CEP112: variants seen among roughly 807,000 people sequenced by gnomAD.
The protein encoded by CEP112 is centrosomal protein 112.
Under a neutral mutation model 153.0 loss-of-function variants are expected in CEP112, and 127 were observed. That is an observed-to-expected ratio of 0.83 (90% confidence interval 0.72 to 0.96). CEP112 has a LOEUF of 0.96. CEP112 is among the 40% of genes least tolerant of loss of function. The probability of loss-of-function intolerance (pLI) is 0.00; values close to 1 mark genes in which losing one functional copy is unlikely to be tolerated. For synonymous variants in CEP112, 358 were observed against 374.4 expected, an observed-to-expected ratio of 0.96 and a Z score of 0.51; for missense variants, 1,089 against 1,101.2, an observed-to-expected ratio of 0.99 and a Z score of 0.16.
intron 24 of CEP112, among the ~76,000 whole-genome samples, chr17:65,678,330 G>A (rs2047338197): frequency 1.3e-5 from 2 of 152,046 alleles, no homozygotes; most frequent in East Asian, 3.9e-4. Flanking sequence ...GTTAATACTT[G>A]ATAATTCTAT....
At chr17:65,757,762 A>G (rs1271104321) in intron 21 of CEP112, among the ~76,000 whole-genome samples, 1 of 152,210 alleles carries the variant, frequency 6.6e-6, no homozygotes, top group East Asian at 1.9e-4. Flanking sequence ...CTGGTTTATC[A>G]TGGTTGAAAA....
intron 4 of CEP112, among the ~76,000 whole-genome samples, chr17:66,134,017 G>C (rs896716797): frequency 1.3e-5 from 2 of 151,936 alleles, no homozygotes; most frequent in African/African-American, 4.8e-5. Flanking sequence ...AATATTTTGA[G>C]TATAATTGTA....
At chr17:65,814,807 C>A (rs554847279) in intron 21 of CEP112, among the ~76,000 whole-genome samples, 1 of 152,238 alleles carries the variant, frequency 6.6e-6, no homozygotes, top group Admixed American at 6.5e-5. Context: ...AGTGCCCTAC[C>A]AACATAGTTA....
intron 24 of CEP112, among the ~76,000 whole-genome samples, chr17:65,648,889 A>G (rs1244743445): frequency 6.6e-6 from 1 of 152,106 alleles, no homozygotes; most frequent in Non-Finnish European, 1.5e-5. Context: ...CATCTCCACT[A>G]AAAATACAAA....
intron 19 of CEP112, among the ~76,000 whole-genome samples, chr17:65,915,758 A>T (rs1356396360): frequency 6.8e-6 from 1 of 146,260 alleles, no homozygotes; most frequent in Non-Finnish European, 1.5e-5. Context: ...ACTGCACTCC[A>T]GCCTGGGTGA....
intron 4 of CEP112, among the ~76,000 whole-genome samples, chr17:66,138,248 C>T (rs933570946): frequency 3.3e-5 from 5 of 152,078 alleles, no homozygotes; most frequent in Non-Finnish European, 7.4e-5. Flanking sequence ...AAGAGGAGTT[C>T]GTCAACAGGA....
intron 17 of CEP112, among the ~76,000 whole-genome samples, chr17:65,996,115 T>C (rs1467079592): frequency 7.0e-6 from 1 of 142,174 alleles, no homozygotes; most frequent in African/African-American, 2.6e-5. Context: ...TCCTACACCA[T>C]GGGGAAAAAT....
In CEP112 at chr17:66,087,432, C is replaced by A. The variant is rs2067980271; in HGVS notation, c.768+8819G>T. Reference sequence around the variant, plus strand: ...ATGACTCAAAATGATTTTTATAATTCATGAATGACAATTTTTAGAAAAAGA... The same window carrying A: ...ATGACTCAAAATGATTTTTATAATTAATGAATGACAATTTTTAGAAAAAGA... On this transcript the variant is annotated intron_variant, in intron 8 of 26. Transcript: ENST00000535342. Among the ~76,000 whole-genome samples, 3 of 152,056 alleles carry A rather than the reference C, an allele frequency of 2.0e-5. No individual in the cohort carries two copies. In the South Asian group the frequency reaches 6.2e-4, roughly 32 times the overall value.
At chr17:65,656,276 A>G (rs2046059575) in intron 24 of CEP112, among the ~76,000 whole-genome samples, 2 of 152,202 alleles carry the variant, frequency 1.3e-5, no homozygotes, top group African/African-American at 4.8e-5. Context: ...TAAGAAGTGA[A>G]CTGAGGGTTT....
intron 17 of CEP112, among the ~76,000 whole-genome samples, chr17:65,987,314 GA>G (rs1212697067): frequency 6.6e-6 from 1 of 151,956 alleles, no homozygotes; most frequent in Non-Finnish European, 1.5e-5. Flanking sequence ...AAGTGGCAAA[GA>G]GCAAAAATGC....
chr17:65,877,123 C>T (rs564106979), intron 20 of CEP112, among the ~76,000 whole-genome samples: 5 of 152,236 alleles, frequency 3.3e-5, no homozygotes, highest in South Asian at 2.1e-4. Flanking sequence ...TGCCTGATTG[C>T]GGCCCAGCCC....
At chr17:65,706,581 TCA>T (rs1331668381) in intron 23 of CEP112, among the ~76,000 whole-genome samples, 1 of 152,218 alleles carries the variant, frequency 6.6e-6, no homozygotes, top group Non-Finnish European at 1.5e-5. Context: ...GGACGTATTA[TCA>T]GTTTTCCCAC....
intron 24 of CEP112, among the ~76,000 whole-genome samples, chr17:65,649,955 G>T (rs2045650749): frequency 6.6e-6 from 1 of 152,078 alleles, no homozygotes; most frequent in Non-Finnish European, 1.5e-5. Context: ...AGCAGAATTT[G>T]CTTAACTTTT....
At chr17:66,172,812 A>G (rs1406740755) in intron 4 of CEP112, among the ~76,000 whole-genome samples, 2 of 152,166 alleles carry the variant, frequency 1.3e-5, no homozygotes, top group Non-Finnish European at 1.5e-5. Context: ...TCCCCCACTC[A>G]TCTAAAACAA....
At chr17:66,030,064 T>C (rs752455659) in intron 12 of CEP112, 41 bp from the exon 13 acceptor site, 12 of 1,560,662 alleles carry the variant, frequency 7.7e-6, no homozygotes, top group South Asian at 5.9e-5. Flanking sequence ...TCTGACTCAG[T>C]TGTAACACTT....
chr17:66,085,512 T>C (rs1327276311), intron 8 of CEP112, among the ~76,000 whole-genome samples: 3 of 152,222 alleles, frequency 2.0e-5, no homozygotes, highest in Non-Finnish European at 4.4e-5. Flanking sequence ...AGGGGTATTC[T>C]TGAAATACCA....
At chr17:65,853,634 C>T (rs867867694) in intron 20 of CEP112, among the ~76,000 whole-genome samples, 2 of 151,370 alleles carry the variant, frequency 1.3e-5, no homozygotes, top group South Asian at 2.1e-4. Flanking sequence ...AAGGCGGAGG[C>T]AGAGAACTGC....
At chr17:66,165,567 T>C (rs888586755) in intron 4 of CEP112, among the ~76,000 whole-genome samples, 1 of 152,262 alleles carries the variant, frequency 6.6e-6, no homozygotes, top group Non-Finnish European at 1.5e-5. Flanking sequence ...CAATTTATAA[T>C]GTTATATAGT....
At chr17:65,748,613 A>C (rs879510601) in intron 22 of CEP112, among the ~76,000 whole-genome samples, 12 of 152,184 alleles carry the variant, frequency 7.9e-5, no homozygotes, top group Non-Finnish European at 1.5e-4. Context: ...TACTGAACAC[A>C]TTTTTGGCAT....
Sources: allele counts gnomAD v4.1 joint callset (sites outside exome capture counted in the v4.1 genomes callset), GRCh38; gene constraint gnomAD v4.1.1; transcripts MANE v1.5; gene names NCBI Gene and HGNC (gene_info 2026-07-23, HGNC 2026-07-21).